The following CAST variants were observed in gnomAD, a reference collection of about 807,000 sequenced individuals.
CAST encodes MIR583 host.
A neutral mutation model predicts 119.6 loss-of-function variants in CAST; 76 were observed. That is an observed-to-expected ratio of 0.64 (90% CI 0.53 to 0.77). The LOEUF is 0.77. Among genes scored for constraint, CAST ranks in the 30% least tolerant of loss-of-function variants. The probability of loss-of-function intolerance (pLI) is 0.00; values close to 1 mark genes in which losing one functional copy is unlikely to be tolerated. For missense variants in CAST, 953 were observed against 946.5 expected (o/e 1.01, Z -0.09); for synonymous variants, 319 against 331.6 (o/e 0.96, Z 0.41).
At chr5:96,721,015 C>T (rs2150397458) in intron 3 of CAST, among the ~76,000 whole-genome samples, 1 of 152,224 alleles carries the variant, frequency 6.6e-6, no homozygotes, top group East Asian at 1.9e-4. Flanking sequence ...AATACAGGGA[C>T]ATTAAGCACC....
At chr5:96,286,035 A>G in the CAST span, among the ~76,000 whole-genome samples, 1 of 152,198 alleles carries the variant, frequency 6.6e-6, no homozygotes, top group South Asian at 2.1e-4. Context: ...TGCAGGTTTT[A>G]TTTTAACATA....
chr5:96,623,926 G>A (rs902336254), intron 1 of CAST, among the ~76,000 whole-genome samples: 2 of 151,818 alleles, frequency 1.3e-5, no homozygotes, highest in African/African-American at 2.4e-5. Context: ...CTCAAACTCC[G>A]AGACTCAAGC....
the CAST span, among the ~76,000 whole-genome samples, chr5:96,325,929 A>G: frequency 9.2e-5 from 14 of 152,330 alleles, 1 homozygote; most frequent in East Asian, 1.5e-3. Flanking sequence ...CACATGATAC[A>G]TTAAGTCTCT....
At chr5:96,445,485 T>G in the CAST span, among the ~76,000 whole-genome samples, 4 of 152,256 alleles carry the variant, frequency 2.6e-5, no homozygotes, top group Non-Finnish European at 5.9e-5. Flanking sequence ...CCCTTTTGAA[T>G]GTATTCTAGA....
chr5:96,708,278 C>T (rs1424781036), intron 3 of CAST, among the ~76,000 whole-genome samples: 1 of 152,102 alleles, frequency 6.6e-6, no homozygotes, highest in African/African-American at 2.4e-5. Context: ...TTTTATTTTT[C>T]AGGATTCTTC....
At chr5:96,425,296 T>G in the CAST span, among the ~76,000 whole-genome samples, 1 of 152,224 alleles carries the variant, frequency 6.6e-6, no homozygotes, top group Non-Finnish European at 1.5e-5. Context: ...GCTCAAGGAT[T>G]TGGTAACTAT....
chr5:96,568,564 C>CAAAA (rs70981830), intron 1 of CAST, among the ~76,000 whole-genome samples: 6 of 70,908 alleles, frequency 8.5e-5, no homozygotes, highest in South Asian at 6.2e-4. Context: ...GACTCCATCT[C>CAAAA]AAAAAAAAAA....
chr5:96,124,666 A>T, the CAST span, among the ~76,000 whole-genome samples: 1 of 152,098 alleles, frequency 6.6e-6, no homozygotes, highest in South Asian at 2.1e-4. Context: ...TAGTCATAGG[A>T]TGAGCTTCTT....
At chr5:96,113,991 T>G in the CAST span, among the ~76,000 whole-genome samples, 1 of 152,236 alleles carries the variant, frequency 6.6e-6, no homozygotes, top group East Asian at 1.9e-4. Context: ...ACTACTAGCC[T>G]GACCTCTTAG....
chr5:96,560,795 G>A (rs937405149), intron 1 of CAST, among the ~76,000 whole-genome samples: 24 of 152,226 alleles, frequency 1.6e-4, no homozygotes, highest in African/African-American at 5.1e-4. Context: ...TCAGTGTGGC[G>A]ATTCCTCAGG....
chr5:96,121,379 C>T, the CAST span, among the ~76,000 whole-genome samples: 395 of 151,854 alleles, frequency 2.6e-3, 6 homozygotes, highest in Admixed American at 0.017. Context: ...ATAGGACAGT[C>T]TTCAGGATCT....
the CAST span, among the ~76,000 whole-genome samples, chr5:96,095,987 T>A: frequency 1.3e-5 from 2 of 152,180 alleles, no homozygotes; most frequent in African/African-American, 4.8e-5. Context: ...GTTTAATTGA[T>A]TTTGTAGACA....
chr5:96,323,392 TTTATG>T, the CAST span, among the ~76,000 whole-genome samples: 2 of 152,208 alleles, frequency 1.3e-5, no homozygotes, highest in South Asian at 4.1e-4. Context: ...AGGTGAATGC[TTTATG>T]TTGTTTCTTA....
intron 1 of CAST, among the ~76,000 whole-genome samples, chr5:96,627,961 C>T (rs892570485): frequency 9.9e-5 from 15 of 152,274 alleles, no homozygotes; most frequent in Middle Eastern, 3.4e-3. Context: ...TTTGTTGCTC[C>T]GTTGATTGAC....
the CAST span, among the ~76,000 whole-genome samples, chr5:96,371,073 C>A: frequency 2.0e-5 from 3 of 152,166 alleles, no homozygotes; most frequent in South Asian, 2.1e-4. Context: ...GTCTTGCAGA[C>A]CCCAGTTACA....
At chr5:96,478,959 A>G in the CAST span, among the ~76,000 whole-genome samples, 1 of 152,230 alleles carries the variant, frequency 6.6e-6, no homozygotes, top group Non-Finnish European at 1.5e-5. Flanking sequence ...AGTGGTGCAT[A>G]GGGTAGGAGG....
intron 1 of CAST, among the ~76,000 whole-genome samples, chr5:96,583,520 C>T (rs1746801886): frequency 6.6e-6 from 1 of 152,114 alleles, no homozygotes; most frequent in Non-Finnish European, 1.5e-5. Flanking sequence ...GGCTCAGTTT[C>T]CCTTTTTGTA....
the CAST span, among the ~76,000 whole-genome samples, chr5:96,464,823 G>A: frequency 6.6e-6 from 1 of 152,042 alleles, no homozygotes. Context: ...CTACAGATTT[G>A]TAATGGCCTT....
the CAST span, among the ~76,000 whole-genome samples, chr5:96,389,299 G>A: frequency 6.6e-6 from 1 of 152,066 alleles, no homozygotes; most frequent in African/African-American, 2.4e-5. Context: ...GAATGGATAT[G>A]TTAATTTGCT....
Sources: allele counts gnomAD v4.1 joint callset (sites outside exome capture counted in the v4.1 genomes callset), GRCh38; gene constraint gnomAD v4.1.1; transcripts MANE v1.5; gene names NCBI Gene and HGNC (gene_info 2026-07-23, HGNC 2026-07-21).